Variants in HOMER1 observed in about 807,000 individuals in gnomAD.
HOMER1 encodes the protein homer scaffold protein 1, also known as homer protein homolog 1.
HOMER1 carries 3 observed loss-of-function variants against 48.9 expected under a neutral mutation model. The observed-to-expected ratio is 0.06, with a 90% CI of 0.03 to 0.16. The LOEUF is 0.16. Among genes scored for constraint, HOMER1 ranks in the 10% least tolerant of loss-of-function variants. The probability of loss-of-function intolerance (pLI) is 1.00; values close to 1 mark genes in which losing one functional copy is unlikely to be tolerated. For synonymous variants in HOMER1, 134 were observed against 146.4 expected, an observed-to-expected ratio of 0.92 and a Z score of 0.61; for missense variants, 247 against 411.4, an observed-to-expected ratio of 0.60 and a Z score of 3.46.
At chr5:79,425,093 T>C (rs1158140965) in intron 5 of HOMER1, among the ~76,000 whole-genome samples, 1 of 152,052 alleles carries the variant, frequency 6.6e-6, no homozygotes, top group East Asian at 1.9e-4. Context: ...GTTTCTTCCA[T>C]GTTAGTTTCT....
chr5:79,466,179 T>G (rs1751459535), intron 1 of HOMER1, among the ~76,000 whole-genome samples: 1 of 152,072 alleles, frequency 6.6e-6, no homozygotes, highest in Admixed American at 6.6e-5. Context: ...AAAATTTCAG[T>G]GTTTAAAAAT....
chr5:79,512,765 C>T lies in HOMER1; in HGVS notation c.5+5G>A. 1 of 1,613,316 alleles carries T rather than the reference C, an allele frequency of 6.2e-7. No homozygotes were observed. The highest frequency in any genetic ancestry group is 8.5e-7 in the Non-Finnish European group (1 of 1,179,486). ...CGAAGCTGTGTTAAGCACAAAAATC[C>T]TTACCCCATTTTGCCCAATGAAAAC... On this transcript the variant is annotated splice_donor_5th_base_variant and intron_variant, in intron 1 of 8. Coordinates refer to ENST00000334082, the MANE Select transcript of HOMER1 (RefSeq NM_004272.5).
At chr5:79,470,247 G>C (rs978170949) in intron 1 of HOMER1, among the ~76,000 whole-genome samples, 1 of 152,078 alleles carries the variant, frequency 6.6e-6, no homozygotes, top group Admixed American at 6.6e-5. Context: ...TCAATCTACT[G>C]GTCAACAAGG....
chr5:79,474,445 C>A (rs1054229317), intron 1 of HOMER1, among the ~76,000 whole-genome samples: 1 of 151,956 alleles, frequency 6.6e-6, no homozygotes, highest in Admixed American at 6.6e-5. Flanking sequence ...CTAAAAGATG[C>A]CTTCACTGAA....
intron 8 of HOMER1, among the ~76,000 whole-genome samples, chr5:79,376,976 T>C (rs1748787394): frequency 6.6e-6 from 1 of 152,218 alleles, no homozygotes; most frequent in Admixed American, 6.5e-5. Context: ...TTGTTGTTTC[T>C]TTTCTTTGAG....
rs896522552 is a variant in HOMER1 at position 79,436,367 on chromosome 5, G to T, written c.527+2643C>A. ...AACTTCCTGACACAACAATGTGCTT[G>T]TGTTGGGTATTTGCCTAATGTACTG... On this transcript the variant is annotated intron_variant, in intron 5 of 8. Coordinates refer to ENST00000334082, the MANE Select transcript of HOMER1 (RefSeq NM_004272.5). 6.6e-5 allele frequency among the ~76,000 whole-genome samples: 10 copies of T among 152,184 alleles called. No homozygotes were observed. The East Asian group carries it at 1.2e-3, about 18-fold the overall frequency.
At chr5:79,379,079 CATATATAT>C (rs3082000) in intron 8 of HOMER1, among the ~76,000 whole-genome samples, 79 of 55,214 alleles carry the variant, frequency 1.4e-3, no homozygotes, top group Middle Eastern at 0.012. Context: ...ACCTTTTGTC[CATATATAT>C]ATATATATAT....
chr5:79,502,399 A>T (rs1329597330), intron 1 of HOMER1, among the ~76,000 whole-genome samples: 2 of 152,032 alleles, frequency 1.3e-5, no homozygotes, highest in Non-Finnish European at 2.9e-5. Context: ...TCTTTTTAAT[A>T]CCCTCACCCT....
At position 79,410,326 on chromosome 5, in the gene HOMER1, T is replaced by C. The variant is rs141341039; in HGVS notation, c.528-8271A>G. Among the ~76,000 whole-genome samples, 1,123 of 151,844 alleles carry C rather than the reference T, an allele frequency of 7.4e-3. 10 individuals are homozygous for C. The highest frequency in any genetic ancestry group is 0.024 in the African/African-American group (1,009 of 41,434). On this transcript the variant is annotated intron_variant, in intron 5 of 8. Coordinates refer to ENST00000334082, the MANE Select transcript of HOMER1 (RefSeq NM_004272.5). ...GACCAACATGGAGAAACCACGTCTC[T>C]ACTAAAAATAGAAAATTAGCTAGGC... is the stretch of plus-strand genomic sequence containing the variant.
At chr5:79,429,585 C>A (rs548487511) in intron 5 of HOMER1, among the ~76,000 whole-genome samples, 1 of 151,988 alleles carries the variant, frequency 6.6e-6, no homozygotes, top group South Asian at 2.1e-4. Flanking sequence ...ATCAATGGAC[C>A]AAAGACCTAA....
intron 8 of HOMER1, among the ~76,000 whole-genome samples, chr5:79,392,972 AG>A (rs1749292409): frequency 6.6e-6 from 1 of 151,876 alleles, no homozygotes; most frequent in Non-Finnish European, 1.5e-5. Flanking sequence ...AGAGAGAGAG[AG>A]AGAGAGAGAG....
chr5:79,390,615 G>A (rs554501296), intron 8 of HOMER1, among the ~76,000 whole-genome samples: 23 of 152,062 alleles, frequency 1.5e-4, no homozygotes, highest in African/African-American at 4.6e-4. Context: ...GGGTCACAAA[G>A]CACTATCCAA....
intron 2 of HOMER1, 59 bp from the exon 3 acceptor site, chr5:79,451,180 A>G: frequency 6.4e-7 from 1 of 1,567,370 alleles, no homozygotes; most frequent in Non-Finnish European, 8.8e-7. Context: ...GCATTTAAAT[A>G]CAAGACCATT....
At chr5:79,414,661 G>A (rs1012109272) in intron 5 of HOMER1, among the ~76,000 whole-genome samples, 15 of 152,144 alleles carry the variant, frequency 9.9e-5, no homozygotes, top group African/African-American at 2.9e-4. Flanking sequence ...TTACACACAT[G>A]AGCCACTGTG....
At chr5:79,381,008 G>T (rs1052595208) in intron 8 of HOMER1, among the ~76,000 whole-genome samples, 1 of 152,106 alleles carries the variant, frequency 6.6e-6, no homozygotes, top group South Asian at 2.1e-4. Context: ...TTGCACTGCT[G>T]CCACTACTGG....
rs199554458 is a variant in HOMER1 at position 79,400,355 on chromosome 5, CT to C, written c.684+1543del. ...GTCTCAACTGCATTTCCTTTTCTTT[CT>C]TTTTTTTTTTTTTTCTGAGATAAGG... On this transcript the variant is annotated intron_variant, in intron 6 of 8. Transcript: ENST00000334082. Among the ~76,000 whole-genome samples the C allele has an allele frequency of 6.7e-3, 940 of 141,308 alleles. 3 individuals are homozygous for C. Among genetic ancestry groups the C allele is most frequent in the African/African-American group, 0.014 (560 of 38,728 alleles). 92.7% of individuals were successfully genotyped at this position (141,308 alleles called of 152,430 possible). A position where few individuals can be genotyped will look rare whatever the true frequency, so the allele number is the denominator to read the frequency against.
At chr5:79,472,406 G>C (rs1297545475) in intron 1 of HOMER1, among the ~76,000 whole-genome samples, 1 of 152,090 alleles carries the variant, frequency 6.6e-6, no homozygotes, top group Non-Finnish European at 1.5e-5. Flanking sequence ...AACATTCATT[G>C]AGCTGCAGAT....
rs1752978639 is a variant in HOMER1 at position 79,512,831 on chromosome 5, C to T, written c.-57G>A. 6.3e-7 allele frequency: 1 copy of T among 1,581,658 alleles called. No homozygotes were observed. Among genetic ancestry groups the T allele is most frequent in the Admixed American group, 1.7e-5 (1 of 59,738 alleles). ...AGCTCTTATGCTACGGAATAACTTC[C>T]AAAGGAATTTCTCCGTCTGCTATTT... is the stretch of plus-strand genomic sequence containing the variant. On this transcript the variant is annotated 5_prime_UTR_variant, in exon 1 of 9. Coordinates refer to ENST00000334082, the MANE Select transcript of HOMER1 (RefSeq NM_004272.5).
At chr5:79,494,917 T>C (rs1431777593) in intron 1 of HOMER1, among the ~76,000 whole-genome samples, 1 of 152,198 alleles carries the variant, frequency 6.6e-6, no homozygotes, top group Non-Finnish European at 1.5e-5. Flanking sequence ...GTAGTTGATC[T>C]AAAATGCAAG....
Sources: gnomAD v4.1 joint callset for allele counts (sites outside exome capture counted in the v4.1 genomes callset) on GRCh38, gnomAD v4.1.1 for gene constraint, MANE v1.5 for transcripts, NCBI Gene and HGNC (gene_info 2026-07-23, HGNC 2026-07-21) for gene names.